GALNTL6: variants seen among roughly 807,000 people sequenced by gnomAD.
GALNTL6 encodes polypeptide N-acetylgalactosaminyltransferase-like 6.
Under a neutral mutation model 73.7 loss-of-function variants are expected in GALNTL6, and 46 were observed. That is an observed-to-expected ratio of 0.62 (90% CI 0.49 to 0.80). The LOEUF is 0.80. Among genes scored for constraint, GALNTL6 ranks in the 30% least tolerant of loss-of-function variants. GALNTL6 has a pLI of 0.00. For synonymous variants in GALNTL6, 259 were observed against 263.7 expected (o/e 0.98, Z 0.17); for missense variants, 604 against 755.0 (o/e 0.80, Z 2.34).
At chr4:172,873,541 A>G (rs1745048009) in intron 7 of GALNTL6, among the ~76,000 whole-genome samples, 1 of 152,224 alleles carries the variant, frequency 6.6e-6, no homozygotes, top group African/African-American at 2.4e-5. Context: ...GATCTTGTGA[A>G]CATGTCTCAA....
At chr4:171,918,732 G>A (rs1737699148) in intron 2 of GALNTL6, among the ~76,000 whole-genome samples, 1 of 152,130 alleles carries the variant, frequency 6.6e-6, no homozygotes, top group African/African-American at 2.4e-5. Context: ...CAGCCGAGAT[G>A]TGGAAACAAC....
intron 2 of GALNTL6, among the ~76,000 whole-genome samples, chr4:172,053,811 A>G (rs1730945345): frequency 6.6e-6 from 1 of 151,984 alleles, no homozygotes; most frequent in Non-Finnish European, 1.5e-5. Flanking sequence ...TTTTTTTTAC[A>G]TGAATGGGTC....
At chr4:171,872,124 T>C (rs1736154145) in intron 2 of GALNTL6, among the ~76,000 whole-genome samples, 1 of 152,210 alleles carries the variant, frequency 6.6e-6, no homozygotes, top group Non-Finnish European at 1.5e-5. Context: ...GAATCTTTGC[T>C]TTTGTGCACA....
At chr4:172,937,288 T>TA (rs373246669) in intron 9 of GALNTL6, among the ~76,000 whole-genome samples, 53 of 148,442 alleles carry the variant, frequency 3.6e-4, no homozygotes, top group East Asian at 2.2e-3. Flanking sequence ...GGAGCATTTG[T>TA]AAAAAAAAAA....
intron 5 of GALNTL6, among the ~76,000 whole-genome samples, chr4:172,719,885 G>C (rs923142166): frequency 4.6e-5 from 7 of 152,144 alleles, no homozygotes; most frequent in African/African-American, 1.7e-4. Flanking sequence ...GCTAAACAAG[G>C]GGTGGATTAT....
At chr4:172,965,425 T>G (rs1750276683) in intron 10 of GALNTL6, among the ~76,000 whole-genome samples, 1 of 151,714 alleles carries the variant, frequency 6.6e-6, no homozygotes, top group Non-Finnish European at 1.5e-5. Flanking sequence ...CTACTAAAAA[T>G]ACAAAAAATT....
chr4:172,926,083 A>G (rs558869201), intron 8 of GALNTL6, among the ~76,000 whole-genome samples: 1 of 152,256 alleles, frequency 6.6e-6, no homozygotes, highest in East Asian at 1.9e-4. Context: ...ACTGTTCTGG[A>G]TGCTGCAAGT....
At chr4:172,372,164 C>A (rs1008896053) in intron 5 of GALNTL6, among the ~76,000 whole-genome samples, 2 of 152,108 alleles carry the variant, frequency 1.3e-5, no homozygotes, top group African/African-American at 4.8e-5. Flanking sequence ...GAGCTTCCAT[C>A]GGTATATAGG....
At chr4:171,874,690 T>C (rs962741093) in intron 2 of GALNTL6, among the ~76,000 whole-genome samples, 8 of 152,272 alleles carry the variant, frequency 5.3e-5, no homozygotes, top group African/African-American at 1.9e-4. Flanking sequence ...GTTTTTGTCC[T>C]AGAACGAAAG....
chr4:172,306,206 T>C (rs1454961666), intron 3 of GALNTL6, among the ~76,000 whole-genome samples: 2 of 152,100 alleles, frequency 1.3e-5, no homozygotes, highest in Non-Finnish European at 2.9e-5. Context: ...CTGGCTAACA[T>C]GGTGAAACCC....
At chr4:171,901,949 G>A (rs962580526) in intron 2 of GALNTL6, among the ~76,000 whole-genome samples, 2 of 152,000 alleles carry the variant, frequency 1.3e-5, no homozygotes, top group Non-Finnish European at 2.9e-5. Context: ...CTGGATTTTG[G>A]ACATAAAAGA....
chr4:172,206,807 T>TTGTTG (rs201771177), intron 2 of GALNTL6, among the ~76,000 whole-genome samples: 418 of 14,966 alleles, frequency 0.028, 29 homozygotes, highest in African/African-American at 0.051. Context: ...GTTTTTCTGT[T>TTGTTG]TTTTTTGTTT....
At chr4:173,011,451 T>C (rs1014476212) in intron 11 of GALNTL6, among the ~76,000 whole-genome samples, 1 of 152,206 alleles carries the variant, frequency 6.6e-6, no homozygotes, top group African/African-American at 2.4e-5. Flanking sequence ...CCTGGAGAGT[T>C]TCCTCAATGT....
chr4:172,398,601 T>G (rs1397534362), intron 5 of GALNTL6, among the ~76,000 whole-genome samples: 1 of 152,154 alleles, frequency 6.6e-6, no homozygotes, highest in Admixed American at 6.6e-5. Flanking sequence ...TTAAAGAGTA[T>G]GTATTCTTTA....
In GALNTL6 at chr4:172,988,041, A is replaced by C. The variant is rs139835044; in HGVS notation, c.1372-21137A>C. Among the ~76,000 whole-genome samples, 263 of 152,342 alleles carry C rather than the reference A, an allele frequency of 1.7e-3. 2 individuals carry two copies. The highest frequency in any genetic ancestry group is 6.1e-3 in the African/African-American group (254 of 41,582). ...GGGGCATTGCTATAAAGATACCTGA[A>C]AATGTGGAAGCAGCTTTGGAACTGG... On this transcript the variant is annotated intron_variant, in intron 10 of 12. Coordinates refer to ENST00000506823, the MANE Select transcript of GALNTL6 (RefSeq NM_001034845.3).
intron 5 of GALNTL6, among the ~76,000 whole-genome samples, chr4:172,368,329 T>C (rs1355912802): frequency 6.6e-6 from 1 of 152,064 alleles, no homozygotes; most frequent in African/African-American, 2.4e-5. Flanking sequence ...TGCAGTGAGC[T>C]GAGATCACGC....
intron 3 of GALNTL6, among the ~76,000 whole-genome samples, chr4:172,264,593 T>TA (rs1738384259): frequency 1.9e-5 from 2 of 102,796 alleles, no homozygotes; most frequent in Non-Finnish European, 4.0e-5. Flanking sequence ...TATATATATA[T>TA]TTGGCATATA....
At chr4:172,225,717 C>G (rs931058638) in intron 2 of GALNTL6, among the ~76,000 whole-genome samples, 2 of 151,970 alleles carry the variant, frequency 1.3e-5, no homozygotes, top group Admixed American at 1.3e-4. Context: ...GATTGCCCCA[C>G]TGCACTTCAG....
chr4:172,908,027 T>G (rs1747000962), intron 8 of GALNTL6, among the ~76,000 whole-genome samples: 1 of 152,318 alleles, frequency 6.6e-6, no homozygotes, highest in East Asian at 1.9e-4. Flanking sequence ...ATGTCACAGT[T>G]GATCTTATAA....
Sources: allele counts gnomAD v4.1 joint callset (sites outside exome capture counted in the v4.1 genomes callset), GRCh38; gene constraint gnomAD v4.1.1; transcripts MANE v1.5; gene names NCBI Gene and HGNC (gene_info 2026-07-23, HGNC 2026-07-21).